Variants in DNAJC1 observed in about 807,000 individuals in gnomAD.
DNAJC1 encodes dnaJ homolog subfamily C member 1.
In DNAJC1, 58 loss-of-function variants were observed where a neutral mutation model predicts 76.6. The observed-to-expected ratio is 0.76, with a 90% CI of 0.61 to 0.94. The LOEUF is 0.94. Ranked by LOEUF, DNAJC1 falls within the 40% of genes least tolerant of loss-of-function variation. The pLI, the probability that DNAJC1 is intolerant of heterozygous loss-of-function variation, is 0.00. For missense variants in DNAJC1, 689 were observed against 677.3 expected (o/e 1.02, Z -0.19); for synonymous variants, 258 against 267.9 (o/e 0.96, Z 0.36).
At chr10:21,935,738 T>C (rs1457832100) in intron 1 of DNAJC1, among the ~76,000 whole-genome samples, 2 of 151,960 alleles carry the variant, frequency 1.3e-5, no homozygotes. Flanking sequence ...AAGCAACTTA[T>C]CATGTATAAG....
At chr10:21,792,584 C>T (rs1589982366) in intron 9 of DNAJC1, among the ~76,000 whole-genome samples, 1 of 151,962 alleles carries the variant, frequency 6.6e-6, no homozygotes, top group Admixed American at 6.6e-5. Flanking sequence ...TGGTGAAACC[C>T]TGTCTCTACT....
chr10:21,931,630 C>G (rs1429029392), intron 1 of DNAJC1, among the ~76,000 whole-genome samples: 1 of 152,152 alleles, frequency 6.6e-6, no homozygotes, highest in African/African-American at 2.4e-5. Flanking sequence ...CTATTACATC[C>G]TTGACCTGAT....
intron 7 of DNAJC1, among the ~76,000 whole-genome samples, chr10:21,903,508 G>A (rs1488628215): frequency 1.3e-5 from 2 of 152,130 alleles, no homozygotes; most frequent in African/African-American, 4.8e-5. Flanking sequence ...TAAATTATGT[G>A]CTTCTTGAGA....
intron 8 of DNAJC1, among the ~76,000 whole-genome samples, chr10:21,862,923 G>A (rs1474581716): frequency 6.6e-6 from 1 of 152,002 alleles, no homozygotes; most frequent in African/African-American, 2.4e-5. Flanking sequence ...ACCTGAGGTT[G>A]GGAGTTCGAG....
At chr10:21,886,044 A>G (rs1836362217) in intron 7 of DNAJC1, among the ~76,000 whole-genome samples, 1 of 152,056 alleles carries the variant, frequency 6.6e-6, no homozygotes, top group Non-Finnish European at 1.5e-5. Context: ...AACAAATCCA[A>G]GAATGGATTT....
At chr10:21,880,851 T>C (rs1313306144) in intron 8 of DNAJC1, among the ~76,000 whole-genome samples, 1 of 152,214 alleles carries the variant, frequency 6.6e-6, no homozygotes, top group Non-Finnish European at 1.5e-5. Flanking sequence ...TTTGAAGCTT[T>C]GAAGCCAGGC....
intron 7 of DNAJC1, 113 bp downstream of exon 7, chr10:21,904,409 A>G (rs1836708994): frequency 1.8e-5 from 9 of 508,588 alleles, no homozygotes; most frequent in Non-Finnish European, 2.7e-5. Flanking sequence ...GGGAGTGGGA[A>G]AAAAAAAAAA....
chr10:21,895,365 C>T (rs1156367041), intron 7 of DNAJC1, among the ~76,000 whole-genome samples: 3 of 152,106 alleles, frequency 2.0e-5, no homozygotes, highest in Non-Finnish European at 4.4e-5. Context: ...AGAAGGGCCA[C>T]CCTTGCTGCA....
chr10:21,931,777 C>T (rs1416060393), intron 1 of DNAJC1, among the ~76,000 whole-genome samples: 1 of 152,150 alleles, frequency 6.6e-6, no homozygotes, highest in Non-Finnish European at 1.5e-5. Flanking sequence ...AATGTTAGAA[C>T]ATTCATCTCC....
chr10:21,831,091 A>G (rs1230763375), intron 8 of DNAJC1, among the ~76,000 whole-genome samples: 7 of 152,122 alleles, frequency 4.6e-5, no homozygotes, highest in Non-Finnish European at 2.9e-5. Context: ...TAGTGGGCAC[A>G]TCTTTACTGG....
chr10:21,759,926 T>A (rs1001694589), intron 10 of DNAJC1, among the ~76,000 whole-genome samples: 14 of 152,162 alleles, frequency 9.2e-5, no homozygotes, highest in Non-Finnish European at 1.6e-4. Flanking sequence ...TGAACAAGAA[T>A]GCAAACATCT....
At chr10:22,001,601 C>T (rs1289127881) in intron 1 of DNAJC1, among the ~76,000 whole-genome samples, 1 of 152,212 alleles carries the variant, frequency 6.6e-6, no homozygotes, top group Non-Finnish European at 1.5e-5. Context: ...CTATGCAAAT[C>T]AAGTTACATG....
rs189375376 is a variant in DNAJC1, at chr10:21,892,666, G to C, written c.821-10227C>G. 1.9e-3 allele frequency among the ~76,000 whole-genome samples: 289 copies of C among 151,908 alleles called. 2 individuals carry two copies. The highest frequency in any genetic ancestry group is 0.01 in the Middle Eastern group (3 of 290). ...CATTTCAAATATAACAATATGGGTAGACTGAAAGTAAAAGGATTGGAAAGA... is the reference window on the plus strand; with the variant it reads ...CATTTCAAATATAACAATATGGGTACACTGAAAGTAAAAGGATTGGAAAGA... On this transcript the variant is annotated intron_variant, in intron 7 of 11. Coordinates refer to ENST00000376980, the MANE Select transcript of DNAJC1 (RefSeq NM_022365.4).
intron 8 of DNAJC1, among the ~76,000 whole-genome samples, chr10:21,877,173 T>C (rs1366631493): frequency 1.3e-5 from 2 of 151,732 alleles, no homozygotes; most frequent in Non-Finnish European, 2.9e-5. Context: ...ACTCAGGAGG[T>C]TGAGGTGTGA....
chr10:22,002,377 A>C (rs187321486), intron 1 of DNAJC1, among the ~76,000 whole-genome samples: 2 of 152,130 alleles, frequency 1.3e-5, no homozygotes, highest in Admixed American at 6.5e-5. Context: ...ATCTACCCTC[A>C]CTCAACCACC....
chr10:21,771,111 AAAAAT>A (rs1250816746), intron 9 of DNAJC1, among the ~76,000 whole-genome samples: 2 of 152,202 alleles, frequency 1.3e-5, no homozygotes, highest in Non-Finnish European at 2.9e-5. Context: ...TAAATGTATA[AAAAAT>A]AAAACTGATT....
chr10:21,800,971 C>T (rs888210991), intron 9 of DNAJC1, among the ~76,000 whole-genome samples: 1 of 152,062 alleles, frequency 6.6e-6, no homozygotes. Flanking sequence ...GAGGTAAAAA[C>T]ATATAAGTAT....
At chr10:21,822,534 A>G (rs1262932622) in intron 8 of DNAJC1, among the ~76,000 whole-genome samples, 4 of 152,056 alleles carry the variant, frequency 2.6e-5, no homozygotes, top group Non-Finnish European at 5.9e-5. Context: ...TAAGAAAGAA[A>G]AAACTGAGAC....
chr10:21,991,486 A>G (rs191359101), intron 1 of DNAJC1, among the ~76,000 whole-genome samples: 36 of 152,340 alleles, frequency 2.4e-4, no homozygotes, highest in Admixed American at 2.1e-3. Context: ...TATACTATAG[A>G]TAAGTAACTA....
Sources: allele counts gnomAD v4.1 joint callset (sites outside exome capture counted in the v4.1 genomes callset), GRCh38; gene constraint gnomAD v4.1.1; transcripts MANE v1.5; gene names NCBI Gene and HGNC (gene_info 2026-07-23, HGNC 2026-07-21).